The following FCHO2 variants were observed in gnomAD, a reference collection of about 807,000 sequenced individuals.
The protein encoded by FCHO2 is FCH and mu domain containing endocytic adaptor 2, also known as F-BAR domain only protein 2.
Under a neutral mutation model 114.1 loss-of-function variants are expected in FCHO2, and 43 were observed. That is an observed-to-expected ratio of 0.38 (90% CI 0.30 to 0.49). The LOEUF (loss-of-function observed/expected upper bound fraction) is 0.49. Among genes scored for constraint, FCHO2 ranks in the 20% least tolerant of loss-of-function variants. The pLI is 0.97. For synonymous variants in FCHO2, 293 were observed against 315.2 expected (o/e 0.93, Z 0.75); for missense variants, 807 against 950.4 (o/e 0.85, Z 1.98).
rs1743430062 is a variant in FCHO2, at chr5:73,089,833, C to T, written c.*1743C>T. The T allele has an allele frequency of 6.6e-6, 1 of 152,416 alleles. No individual in the cohort carries two copies. The highest frequency in any genetic ancestry group is 2.4e-5 in the African/African-American group (1 of 41,398). 9.4% of individuals were successfully genotyped at this position (152,416 alleles called of 1,614,324 possible). ...CACAGTATATGCTTTTTTATATATT[C>T]AATGTTAGCCCAAGTCTGAATTTAC... On this transcript the variant is annotated 3_prime_UTR_variant, in exon 26 of 26. Transcript: ENST00000430046.
chr5:73,056,263 A>G (rs1757588743), intron 16 of FCHO2, among the ~76,000 whole-genome samples, 156 bp downstream of exon 16: 1 of 152,176 alleles, frequency 6.6e-6, no homozygotes, highest in Admixed American at 6.5e-5. Context: ...TTCTCTCACC[A>G]GAGTGGTACA....
At chr5:72,989,367 A>G (rs1444394595) in intron 2 of FCHO2, 60 bp from the exon 3 acceptor site, 8 of 1,227,688 alleles carry the variant, frequency 6.5e-6, no homozygotes, top group Admixed American at 2.4e-5. Flanking sequence ...TATTTTGATA[A>G]CTTTGCTGTT....
At chr5:73,040,154 G>C (rs1756738108) in intron 10 of FCHO2, among the ~76,000 whole-genome samples, 1 of 152,092 alleles carries the variant, frequency 6.6e-6, no homozygotes, top group Non-Finnish European at 1.5e-5. Context: ...GCGTTTATCT[G>C]TTTGTATAAG....
chr5:73,079,388 A>G (rs1310827835), intron 22 of FCHO2, among the ~76,000 whole-genome samples: 2 of 152,216 alleles, frequency 1.3e-5, no homozygotes, highest in Non-Finnish European at 2.9e-5. Context: ...GGAATAGATT[A>G]GAGTATCCAG....
intron 16 of FCHO2, among the ~76,000 whole-genome samples, chr5:73,056,770 A>T (rs2112847782): frequency 6.6e-6 from 1 of 151,984 alleles, no homozygotes; most frequent in East Asian, 1.9e-4. Flanking sequence ...TTCAGTTTTG[A>T]CTGTGACGTT....
intron 5 of FCHO2, among the ~76,000 whole-genome samples, chr5:72,991,265 T>C (rs1026820349): frequency 6.6e-6 from 1 of 152,192 alleles, no homozygotes; most frequent in Non-Finnish European, 1.5e-5. Flanking sequence ...GGTTTCGCCA[T>C]GTTAGTCAGG....
intron 8 of FCHO2, among the ~76,000 whole-genome samples, chr5:73,027,917 G>A (rs1277142219): frequency 6.6e-6 from 1 of 152,202 alleles, no homozygotes; most frequent in Non-Finnish European, 1.5e-5. Context: ...GACTATACCA[G>A]CCAGGCATGC....
chr5:73,005,631 AG>A (rs1431316656), intron 5 of FCHO2, among the ~76,000 whole-genome samples: 2 of 152,144 alleles, frequency 1.3e-5, no homozygotes, highest in African/African-American at 2.4e-5. Flanking sequence ...GAGAATATCA[AG>A]CTTCTTGATA....
intron 8 of FCHO2, among the ~76,000 whole-genome samples, chr5:73,019,614 A>G (rs1755499067): frequency 6.6e-6 from 1 of 152,190 alleles, no homozygotes; most frequent in Non-Finnish European, 1.5e-5. Flanking sequence ...TTGGACTGGG[A>G]TAAGTTAACG....
chr5:73,027,022 T>G (rs258905), intron 8 of FCHO2, among the ~76,000 whole-genome samples: 14,321 of 143,118 alleles, frequency 0.1, 722 homozygotes, highest in East Asian at 0.28. Context: ...TTGTTTGTTT[T>G]TTTTTTTTTT....
chr5:72,977,682 A>C (rs757586334), intron 2 of FCHO2, among the ~76,000 whole-genome samples: 9 of 152,192 alleles, frequency 5.9e-5, no homozygotes, highest in African/African-American at 1.2e-4. Flanking sequence ...TTTAGTCATG[A>C]AGTCTTTGCC....
chr5:73,019,151 G>A (rs1247483564), intron 8 of FCHO2, among the ~76,000 whole-genome samples: 3 of 152,216 alleles, frequency 2.0e-5, no homozygotes, highest in Admixed American at 1.3e-4. Flanking sequence ...TAGGAAGCTA[G>A]TGTAACCAGG....
At chr5:73,037,089 A>C in intron 9 of FCHO2, 54 bp from the exon 10 acceptor site, 4 of 1,253,114 alleles carry the variant, frequency 3.2e-6, no homozygotes, top group Non-Finnish European at 4.4e-6. Context: ...CATAAGTTTA[A>C]TATGTTTATC....
chr5:72,994,797 A>G lies in FCHO2; in HGVS notation c.495+3933A>G, dbSNP rs572436114. On this transcript the variant is annotated intron_variant, in intron 5 of 25. Coordinates refer to ENST00000430046, the MANE Select transcript of FCHO2 (RefSeq NM_138782.3). ...CTATGCAGCCATAAAAAAGAATGAG[A>G]TTATATCTTTTGTGGGAACATGGGT... Among the ~76,000 whole-genome samples, 5 of 152,302 alleles carry G rather than the reference A, an allele frequency of 3.3e-5. No individual in the cohort carries two copies. In the South Asian group the frequency reaches 1.0e-3, roughly 32 times the overall value.
At chr5:73,014,330 C>T (rs1755182605) in intron 6 of FCHO2, among the ~76,000 whole-genome samples, 1 of 150,310 alleles carries the variant, frequency 6.7e-6, no homozygotes. Flanking sequence ...ACTCTGTCGC[C>T]CAAGCTGGAG....
chr5:73,055,502 A>T (rs966786835), intron 15 of FCHO2, among the ~76,000 whole-genome samples: 18 of 152,226 alleles, frequency 1.2e-4, no homozygotes, highest in Admixed American at 1.1e-3. Context: ...TTCATTAATG[A>T]TGCTATTCCC....
intron 20 of FCHO2, among the ~76,000 whole-genome samples, chr5:73,077,051 G>A: frequency 6.6e-6 from 1 of 152,122 alleles, no homozygotes; most frequent in Non-Finnish European, 1.5e-5. Flanking sequence ...TCCAGGGAGG[G>A]AATGGTTATC....
At chr5:72,990,885 A>G (rs182572600) in intron 5 of FCHO2, 21 bp downstream of exon 5, 573 of 1,526,828 alleles carry the variant, frequency 3.8e-4, no homozygotes, top group Non-Finnish European at 4.6e-4. Context: ...TAAAAATTAC[A>G]TATCTGTGGT....
At chr5:72,989,926 A>G (rs1369106192) in intron 3 of FCHO2, among the ~76,000 whole-genome samples, 1 of 151,994 alleles carries the variant, frequency 6.6e-6, no homozygotes, top group African/African-American at 2.4e-5. Flanking sequence ...GACTGTCATT[A>G]AATCTTCCTT....
Sources: gnomAD v4.1 joint callset for allele counts (sites outside exome capture counted in the v4.1 genomes callset) on GRCh38, gnomAD v4.1.1 for gene constraint, MANE v1.5 for transcripts, NCBI Gene and HGNC (gene_info 2026-07-23, HGNC 2026-07-21) for gene names.